Variants in PAFAH1B1 observed in about 807,000 individuals in gnomAD.
PAFAH1B1 encodes the protein platelet activating factor acetylhydrolase 1b regulatory subunit 1, also known as platelet-activating factor acetylhydrolase IB subunit beta.
In PAFAH1B1, 2 loss-of-function variants were observed where a neutral mutation model predicts 57.5. The ratio of observed to expected loss-of-function variants is 0.03; its 90% CI spans 0.01 to 0.11. PAFAH1B1 has a LOEUF of 0.11. Among genes scored for constraint, PAFAH1B1 ranks in the 10% least tolerant of loss-of-function variants. The pLI is 1.00. For missense variants in PAFAH1B1, 257 were observed against 512.0 expected, an observed-to-expected ratio of 0.50 and a Z score of 4.81; for synonymous variants, 152 against 169.6, an observed-to-expected ratio of 0.90 and a Z score of 0.81.
intron 1 of PAFAH1B1, among the ~76,000 whole-genome samples, chr17:2,606,125 A>G (rs1347745969): frequency 6.6e-6 from 1 of 152,136 alleles, no homozygotes; most frequent in Non-Finnish European, 1.5e-5. Context: ...GTCCCTTTTT[A>G]AAAATGGGTA....
At chr17:2,655,439 C>G (rs755612513) in intron 2 of PAFAH1B1, among the ~76,000 whole-genome samples, 1 of 152,104 alleles carries the variant, frequency 6.6e-6, no homozygotes, top group African/African-American at 2.4e-5. Flanking sequence ...CTTGGGAGGC[C>G]GAAGCAGGTG....
intron 1 of PAFAH1B1, among the ~76,000 whole-genome samples, chr17:2,598,314 G>C (rs772636097): frequency 1.3e-5 from 2 of 152,000 alleles, no homozygotes; most frequent in Non-Finnish European, 2.9e-5. Flanking sequence ...CAAAATATTA[G>C]GGCAGAGTGA....
upstream of PAFAH1B1, chr17:2,593,611 C>T (rs894295188): frequency 3.7e-5 from 8 of 217,326 alleles, no homozygotes; most frequent in Admixed American, 1.1e-4. Context: ...GCGGCGGCGG[C>T]GGCGGCGCGG....
chr17:2,611,283 T>C (rs1385347395), intron 1 of PAFAH1B1, among the ~76,000 whole-genome samples: 1 of 151,738 alleles, frequency 6.6e-6, no homozygotes, highest in East Asian at 1.9e-4. Context: ...GCCTGACCAA[T>C]ATGGTGAAAC....
intron 1 of PAFAH1B1, among the ~76,000 whole-genome samples, chr17:2,626,317 G>C (rs62068217): frequency 5.9e-5 from 9 of 152,150 alleles, no homozygotes; most frequent in South Asian, 4.1e-4. Flanking sequence ...CCATTAAAAG[G>C]CAACTGGAAA....
At chr17:2,670,483 C>A in intron 6 of PAFAH1B1, 152 bp downstream of exon 6, 1 of 754,978 alleles carries the variant, frequency 1.3e-6, no homozygotes, top group Non-Finnish European at 2.3e-6. Context: ...CAGGGATAAG[C>A]CACAGTAGTT....
intron 2 of PAFAH1B1, chr17:2,642,099 T>G (rs1307145384): frequency 6.6e-6 from 1 of 152,214 alleles, no homozygotes; most frequent in Non-Finnish European, 1.5e-5. Flanking sequence ...TAGGCTACAG[T>G]GATGCTTCTA....
intron 4 of PAFAH1B1, among the ~76,000 whole-genome samples, chr17:2,666,736 G>C (rs1470901458): frequency 6.6e-6 from 1 of 152,008 alleles, no homozygotes; most frequent in Non-Finnish European, 1.5e-5. Flanking sequence ...GATACAAATC[G>C]AAATTTTTCT....
chr17:2,633,141 G>C (rs1424859707), intron 1 of PAFAH1B1, among the ~76,000 whole-genome samples: 2 of 151,380 alleles, frequency 1.3e-5, no homozygotes, highest in Non-Finnish European at 2.9e-5. Flanking sequence ...CCACCATCAA[G>C]ATTTATTTTT....
At chr17:2,675,246 G>A (rs1336775354) in intron 8 of PAFAH1B1, among the ~76,000 whole-genome samples, 6 of 151,984 alleles carry the variant, frequency 3.9e-5, no homozygotes, top group Non-Finnish European at 8.8e-5. Flanking sequence ...CAAGTGATCC[G>A]ACCACCTCAG....
intron 2 of PAFAH1B1, among the ~76,000 whole-genome samples, chr17:2,659,706 G>A (rs2068990120): frequency 6.6e-6 from 1 of 151,410 alleles, no homozygotes. Flanking sequence ...GCATGGTGGT[G>A]CTCACCTGTA....
intron 1 of PAFAH1B1, among the ~76,000 whole-genome samples, chr17:2,598,200 G>C (rs2068105084): frequency 6.6e-6 from 1 of 152,008 alleles, no homozygotes; most frequent in South Asian, 2.1e-4. Context: ...AATGAGCCGA[G>C]ATCGCACCAT....
chr17:2,622,750 G>A (rs1048702060), intron 1 of PAFAH1B1, among the ~76,000 whole-genome samples: 1 of 152,202 alleles, frequency 6.6e-6, no homozygotes, highest in South Asian at 2.1e-4. Context: ...TCGTATGGGG[G>A]GCTCTGACCC....
At chr17:2,678,292 T>G (rs144076780) in intron 9 of PAFAH1B1, among the ~76,000 whole-genome samples, 13 of 151,572 alleles carry the variant, frequency 8.6e-5, no homozygotes, top group Middle Eastern at 3.4e-3. Context: ...TCCCAGCTAC[T>G]TGGGAAGGCT....
chr17:2,603,205 G>A (rs912999849), intron 1 of PAFAH1B1, among the ~76,000 whole-genome samples: 2 of 152,160 alleles, frequency 1.3e-5, no homozygotes, highest in Non-Finnish European at 2.9e-5. Flanking sequence ...TGTTGCCCAG[G>A]CTGGAGTGCA....
chr17:2,647,088 G>T (rs551192160), intron 2 of PAFAH1B1, among the ~76,000 whole-genome samples: 1 of 152,266 alleles, frequency 6.6e-6, no homozygotes, highest in African/African-American at 2.4e-5. Flanking sequence ...AGTGGCTCAT[G>T]CCTGTAATCA....
chr17:2,626,799 C>T (rs117294520), intron 1 of PAFAH1B1, among the ~76,000 whole-genome samples: 2,866 of 152,110 alleles, frequency 0.019, 36 homozygotes, highest in Middle Eastern at 0.054. Context: ...GTGATCTGCC[C>T]GCATCGACCT....
intron 2 of PAFAH1B1, among the ~76,000 whole-genome samples, chr17:2,654,335 A>G (rs1449120458): frequency 6.6e-6 from 1 of 151,494 alleles, no homozygotes; most frequent in African/African-American, 2.4e-5. Context: ...GATTACAGGC[A>G]CGCACCATCA....
chr17:2,676,907 A>G (rs2069277230), intron 9 of PAFAH1B1, among the ~76,000 whole-genome samples: 1 of 152,220 alleles, frequency 6.6e-6, no homozygotes, highest in African/African-American at 2.4e-5. Flanking sequence ...TTACGCCTGT[A>G]ATCCCAGCAC....
Sources: gnomAD v4.1 joint callset for allele counts (sites outside exome capture counted in the v4.1 genomes callset) on GRCh38, gnomAD v4.1.1 for gene constraint, MANE v1.5 for transcripts, NCBI Gene and HGNC (gene_info 2026-07-23, HGNC 2026-07-21) for gene names.